The following GNG4 variants were observed in gnomAD, a reference collection of about 807,000 sequenced individuals.
GNG4 encodes guanine nucleotide-binding protein G(I)/G(S)/G(O) subunit gamma-4.
Under a neutral mutation model 5.8 loss-of-function variants are expected in GNG4, and 4 were observed. The observed-to-expected ratio is 0.69, with a 90% CI of 0.34 to 1.57. GNG4 has a LOEUF of 1.57. Among genes scored for constraint, GNG4 ranks in the 40% most tolerant of loss-of-function variants. GNG4 has a pLI of 0.06. For missense variants in GNG4, 96 were observed against 95.1 expected, an observed-to-expected ratio of 1.01 and a Z score of -0.04; for synonymous variants, 29 against 32.9, an observed-to-expected ratio of 0.88 and a Z score of 0.41.
intron 1 of GNG4, among the ~76,000 whole-genome samples, chr1:235,639,550 C>CT (rs869163486): frequency 3.9e-5 from 4 of 103,266 alleles, no homozygotes; most frequent in African/African-American, 7.9e-5. Flanking sequence ...GTGTTGTATG[C>CT]TTTTTTTTTC....
At chr1:235,593,872 G>A (rs1000017347) in intron 2 of GNG4, among the ~76,000 whole-genome samples, 1 of 152,180 alleles carries the variant, frequency 6.6e-6, no homozygotes, top group Admixed American at 6.6e-5. Context: ...GTGAGCAGCA[G>A]CAGAATTTGT....
At chr1:235,614,043 GCTCAA>G (rs1478390417) in intron 1 of GNG4, among the ~76,000 whole-genome samples, 5 of 152,164 alleles carry the variant, frequency 3.3e-5, no homozygotes, top group African/African-American at 1.2e-4. Context: ...AAAATCCTGA[GCTCAA>G]GTGATCTGCC....
chr1:235,556,388 T>C (rs1200549131), intron 3 of GNG4, among the ~76,000 whole-genome samples: 1 of 151,370 alleles, frequency 6.6e-6, no homozygotes, highest in African/African-American at 2.4e-5. Context: ...TGAAACCCCG[T>C]CTCTACTAAA....
At chr1:235,589,884 T>C (rs1231021288) in intron 2 of GNG4, among the ~76,000 whole-genome samples, 3 of 152,100 alleles carry the variant, frequency 2.0e-5, no homozygotes, top group Non-Finnish European at 4.4e-5. Flanking sequence ...TGAGATAATG[T>C]ACTCCTCATG....
At chr1:235,613,061 C>G (rs1399203963) in intron 1 of GNG4, among the ~76,000 whole-genome samples, 1 of 151,882 alleles carries the variant, frequency 6.6e-6, no homozygotes, top group Non-Finnish European at 1.5e-5. Context: ...CTCCTAAAGC[C>G]CCAGTACTAC....
chr1:235,568,797 T>G (rs1687266711), intron 3 of GNG4, among the ~76,000 whole-genome samples: 1 of 137,702 alleles, frequency 7.3e-6, no homozygotes, highest in African/African-American at 2.5e-5. Context: ...TCTTTCCTTT[T>G]TTTTTTTCTT....
At chr1:235,573,647 G>A (rs994108566) in intron 3 of GNG4, among the ~76,000 whole-genome samples, 2 of 151,896 alleles carry the variant, frequency 1.3e-5, no homozygotes, top group African/African-American at 4.8e-5. Flanking sequence ...TGTGGTGGCG[G>A]GCGCCTGTAG....
intron 2 of GNG4, among the ~76,000 whole-genome samples, chr1:235,588,053 T>G (rs1687867846): frequency 6.6e-6 from 1 of 151,828 alleles, no homozygotes; most frequent in African/African-American, 2.4e-5. Flanking sequence ...CGCCCACCTC[T>G]CTCCCTCCCA....
rs772583601 is a variant in GNG4 at position 235,549,643 on chromosome 1, A to G, written c.*2466T>C. 9 of 152,210 alleles carry G rather than the reference A, an allele frequency of 5.9e-5. No individual in the cohort carries two copies. The highest frequency in any genetic ancestry group is 8.8e-5 in the Non-Finnish European group (6 of 68,032). The allele number at this position is 152,210 out of a possible 1,614,324, so 9.4% of individuals were successfully genotyped here. ...CAGCATACAATTCTGCTCTAGTTTG[A>G]GCATCTTAACAACACTGGTATTATT... On this transcript the variant is annotated 3_prime_UTR_variant, in exon 4 of 4. Transcript: ENST00000391854.
intron 2 of GNG4, among the ~76,000 whole-genome samples, chr1:235,591,978 G>A (rs1442806455): frequency 1.3e-5 from 2 of 152,230 alleles, no homozygotes; most frequent in African/African-American, 2.4e-5. Context: ...TTAGCCCTGA[G>A]AAGTAAATAA....
At chr1:235,581,580 A>C (rs1238220246) in intron 3 of GNG4, among the ~76,000 whole-genome samples, 1 of 151,444 alleles carries the variant, frequency 6.6e-6, no homozygotes, top group African/African-American at 2.4e-5. Flanking sequence ...GCTATGTAAG[A>C]TGTGCCTGCT....
chr1:235,635,380 C>T (rs549526664), intron 1 of GNG4, among the ~76,000 whole-genome samples: 1 of 152,054 alleles, frequency 6.6e-6, no homozygotes, highest in South Asian at 2.1e-4. Context: ...CCTGTAATCC[C>T]AGCTACTTGG....
intron 2 of GNG4, among the ~76,000 whole-genome samples, chr1:235,590,393 T>C (rs1453755267): frequency 6.6e-6 from 1 of 151,902 alleles, no homozygotes. Context: ...AGGCAGAGAT[T>C]GCAGTGAGCC....
intron 1 of GNG4, among the ~76,000 whole-genome samples, chr1:235,614,055 T>G (rs1688535943): frequency 6.6e-6 from 1 of 152,214 alleles, no homozygotes; most frequent in Non-Finnish European, 1.5e-5. Context: ...TCAAGTGATC[T>G]GCCTGCCTCA....
intron 1 of GNG4, among the ~76,000 whole-genome samples, chr1:235,616,931 A>G (rs1379488293): frequency 5.3e-5 from 3 of 56,216 alleles, no homozygotes; most frequent in Admixed American, 2.3e-4. Context: ...TTTTTTCAGT[A>G]GAGATGGGTT....
At chr1:235,554,389 C>T (rs1383500882) in intron 3 of GNG4, among the ~76,000 whole-genome samples, 1 of 152,202 alleles carries the variant, frequency 6.6e-6, no homozygotes, top group East Asian at 1.9e-4. Flanking sequence ...TCCATTGACC[C>T]CTCTGGCAAC....
intron 1 of GNG4, among the ~76,000 whole-genome samples, chr1:235,605,758 C>T (rs188408259): frequency 6.6e-6 from 1 of 152,164 alleles, no homozygotes; most frequent in East Asian, 1.9e-4. Flanking sequence ...TGAGAACCAG[C>T]CTGGCACTTT....
intron 2 of GNG4, among the ~76,000 whole-genome samples, chr1:235,591,725 C>T (rs1003271750): frequency 1.3e-5 from 2 of 152,300 alleles, no homozygotes; most frequent in South Asian, 2.1e-4. Context: ...ACTGGGCTCT[C>T]GGCTTTCCAG....
chr1:235,615,975 C>T lies in GNG4; in HGVS notation c.-122-20464G>A, dbSNP rs1442960830. 5 of 330,392 alleles carry T rather than the reference C, an allele frequency of 1.5e-5. No homozygotes were observed. In the East Asian group the frequency reaches 4.5e-4, roughly 29 times the overall value. The allele number at this position is 330,392 out of a possible 1,614,324, so 20.5% of individuals were successfully genotyped here. On this transcript the variant is annotated intron_variant, in intron 1 of 3. Coordinates refer to ENST00000391854, the MANE Select transcript of GNG4 (RefSeq NM_001098722.2). Reference sequence around the variant, plus strand: ...GGTGATCACCCTAAGCAACAGCCTCCACAATGTCCTCAGCAGCCTGGCCAC... The same window carrying T: ...GGTGATCACCCTAAGCAACAGCCTCTACAATGTCCTCAGCAGCCTGGCCAC...
Sources: allele counts gnomAD v4.1 joint callset (sites outside exome capture counted in the v4.1 genomes callset), GRCh38; gene constraint gnomAD v4.1.1; transcripts MANE v1.5; gene names NCBI Gene and HGNC (gene_info 2026-07-23, HGNC 2026-07-21).